SND1: variants seen among roughly 807,000 people sequenced by gnomAD.
The protein encoded by SND1 is staphylococcal nuclease domain-containing protein 1.
Under a neutral mutation model 121.7 loss-of-function variants are expected in SND1, and 38 were observed. That is an observed-to-expected ratio of 0.31 (90% confidence interval 0.24 to 0.41). The LOEUF (loss-of-function observed/expected upper bound fraction) is 0.41, where lower values mean the gene tolerates loss of function less well. SND1 is among the 10% of genes least tolerant of loss of function. The pLI, the probability that SND1 is intolerant of heterozygous loss-of-function variation, is 1.00. For missense variants in SND1, 868 were observed against 1,184.6 expected (o/e 0.73, Z 3.92); for synonymous variants, 401 against 447.4 (o/e 0.90, Z 1.31).
chr7:127,763,575 C>T (rs1216488779), intron 10 of SND1, among the ~76,000 whole-genome samples: 1 of 151,968 alleles, frequency 6.6e-6, no homozygotes, highest in Non-Finnish European at 1.5e-5. Flanking sequence ...TCAAACTGAG[C>T]ATGATTTTTG....
chr7:127,931,930 C>T (rs1427626712), intron 15 of SND1, among the ~76,000 whole-genome samples: 1 of 152,156 alleles, frequency 6.6e-6, no homozygotes, highest in African/African-American at 2.4e-5. Context: ...TATTACTGCT[C>T]ATTCACAGTT....
intron 10 of SND1, among the ~76,000 whole-genome samples, chr7:127,765,421 T>A (rs1797393721): frequency 6.6e-6 from 1 of 152,240 alleles, no homozygotes; most frequent in Non-Finnish European, 1.5e-5. Context: ...ATCTTCTTTG[T>A]GTTTGAGGAA....
intron 16 of SND1, among the ~76,000 whole-genome samples, chr7:128,004,950 T>G (rs569111319): frequency 5.9e-5 from 9 of 152,352 alleles, no homozygotes; most frequent in South Asian, 4.1e-4. Flanking sequence ...CCGTAATCTT[T>G]GTTATTTTCA....
intron 16 of SND1, among the ~76,000 whole-genome samples, chr7:128,008,547 C>G (rs1323785331): frequency 6.6e-6 from 1 of 151,520 alleles, no homozygotes; most frequent in Non-Finnish European, 1.5e-5. Flanking sequence ...TGCCCATCCA[C>G]GATTGCCCTC....
At chr7:127,769,934 G>A (rs926682205) in intron 10 of SND1, among the ~76,000 whole-genome samples, 1 of 152,184 alleles carries the variant, frequency 6.6e-6, no homozygotes, top group Non-Finnish European at 1.5e-5. Context: ...ATATTTATGA[G>A]TCAGGGTGGC....
intron 16 of SND1, among the ~76,000 whole-genome samples, chr7:128,013,091 A>G (rs1406912183): frequency 6.6e-6 from 1 of 152,150 alleles, no homozygotes; most frequent in Non-Finnish European, 1.5e-5. Flanking sequence ...CACACTGTCC[A>G]GTGCTACATC....
At chr7:127,731,185 T>C (rs1205543149) in intron 10 of SND1, among the ~76,000 whole-genome samples, 1 of 152,236 alleles carries the variant, frequency 6.6e-6, no homozygotes, top group Non-Finnish European at 1.5e-5. Context: ...CCCGCCCGAT[T>C]CTGGTTGGAC....
intron 9 of SND1, among the ~76,000 whole-genome samples, chr7:127,712,990 A>C (rs149697036): frequency 2.0e-3 from 301 of 152,382 alleles, no homozygotes; most frequent in African/African-American, 6.9e-3. Flanking sequence ...TATTTGGCTC[A>C]CATTTGCCAA....
chr7:127,962,739 G>A (rs1448587753), intron 15 of SND1, among the ~76,000 whole-genome samples: 3 of 152,188 alleles, frequency 2.0e-5, no homozygotes, highest in Non-Finnish European at 4.4e-5. Flanking sequence ...GTCTGGTTTT[G>A]TAGATGAGGA....
intron 14 of SND1, among the ~76,000 whole-genome samples, chr7:127,906,254 G>T (rs1039139150): frequency 3.9e-5 from 6 of 152,176 alleles, no homozygotes; most frequent in Non-Finnish European, 8.8e-5. Flanking sequence ...CCAGAAACCT[G>T]TAGCTAATGG....
At chr7:128,060,809 T>A (rs931987422) in intron 16 of SND1, among the ~76,000 whole-genome samples, 2 of 152,066 alleles carry the variant, frequency 1.3e-5, no homozygotes, top group African/African-American at 4.8e-5. Context: ...TATTCAAGGG[T>A]GGGGTCCATT....
At chr7:128,083,102 C>A (rs1262397621) in intron 18 of SND1, among the ~76,000 whole-genome samples, 1 of 152,304 alleles carries the variant, frequency 6.6e-6, no homozygotes, top group Middle Eastern at 3.4e-3. Flanking sequence ...TCTGCTGAAA[C>A]CTTTCATCCC....
At chr7:128,014,543 T>TG (rs949802048) in intron 16 of SND1, among the ~76,000 whole-genome samples, 2 of 151,838 alleles carry the variant, frequency 1.3e-5, no homozygotes, top group African/African-American at 4.8e-5. Context: ...CAAAGGCGGG[T>TG]GGGAAGGCAG....
In SND1 at chr7:127,704,906, T is replaced by G; in HGVS notation, c.908T>G (p.Val303Gly). The change falls in exon 8 of 24, where the codon GTT (valine) becomes GGT (glycine). Residue 303 changes from valine to glycine, a missense_variant. This residue lies in a region of SND1 where 743 missense variants were observed against 1,071.3 expected (regional missense o/e 0.69). Coordinates refer to ENST00000354725, the MANE Select transcript of SND1 (RefSeq NM_014390.4). ...FARCVDWSIA[V>G]YTRGAEKLRA... ...CGCTGTGTGGACTGGTCGATTGCAG[T>G]TTACACCCGGGGCGCAGAAAAGCTG... is the stretch of plus-strand genomic sequence containing the variant. 2 of 1,614,060 alleles carry G rather than the reference T, an allele frequency of 1.2e-6. No homozygotes were observed. Among genetic ancestry groups the G allele is most frequent in the Non-Finnish European group, 1.7e-6 (2 of 1,179,960 alleles).
intron 1 of SND1, among the ~76,000 whole-genome samples, chr7:127,683,233 TGA>T (rs1433035837): frequency 6.6e-6 from 1 of 152,170 alleles, no homozygotes; most frequent in African/African-American, 2.4e-5. Flanking sequence ...TTTGTTTTTT[TGA>T]GAGAGAGTCT....
At chr7:128,077,455 A>G (rs1328912012) in intron 17 of SND1, among the ~76,000 whole-genome samples, 2 of 152,188 alleles carry the variant, frequency 1.3e-5, no homozygotes, top group Non-Finnish European at 2.9e-5. Context: ...CAAAGTGTAG[A>G]GGGGACCCGA....
chr7:127,807,201 A>G (rs1432820046), intron 10 of SND1, among the ~76,000 whole-genome samples: 1 of 152,194 alleles, frequency 6.6e-6, no homozygotes, highest in Non-Finnish European at 1.5e-5. Flanking sequence ...TCTGTAATAC[A>G]GTTTATGCCT....
Position 127,929,208 on chromosome 7 carries a change from G to C in SND1, c.1548G>C (p.Gln516His). Reference protein sequence around the residue: ...DISGDTQKAKQFLPFLQRAGR... With the variant: ...DISGDTQKAKHFLPFLQRAGR... ...ATCAGGATACCCAAAAAGCAAAGCA[G>C]TTCCTGCCTTTTCTTCAGCGGGCAG... Residue 516 changes from glutamine to histidine, a missense_variant, in exon 15 of 24, where the codon CAG becomes CAC. Transcript: ENST00000354725. The C allele has an allele frequency of 2.5e-6, 4 of 1,614,116 alleles. No individual in the cohort carries two copies. The highest frequency in any genetic ancestry group is 3.4e-6 in the Non-Finnish European group (4 of 1,179,960).
At chr7:127,869,294 G>A (rs886205418) in intron 12 of SND1, among the ~76,000 whole-genome samples, 1 of 152,168 alleles carries the variant, frequency 6.6e-6, no homozygotes, top group African/African-American at 2.4e-5. Flanking sequence ...GGGAGCAAAG[G>A]TGGAGGTGGT....
Sources: gnomAD v4.1 joint callset for allele counts (sites outside exome capture counted in the v4.1 genomes callset) on GRCh38, gnomAD v4.1.1 for gene constraint, gnomAD v4.1.1 regional missense constraint, MANE v1.5 for transcripts, NCBI Gene and HGNC (gene_info 2026-07-23, HGNC 2026-07-21) for gene names.